The following ATF3 variants were observed in gnomAD, a reference collection of about 807,000 sequenced individuals.
ATF3 encodes the protein activating transcription factor 3.
In ATF3, 10 loss-of-function variants were observed where a neutral mutation model predicts 18.4. The ratio of observed to expected loss-of-function variants is 0.54; its 90% CI spans 0.34 to 0.92. The LOEUF (loss-of-function observed/expected upper bound fraction) is 0.92. Ranked by LOEUF, ATF3 falls within the 40% of genes least tolerant of loss-of-function variation. The pLI is 0.02. For missense variants in ATF3, 183 were observed against 222.3 expected (o/e 0.82, Z 1.12); for synonymous variants, 78 against 87.9 (o/e 0.89, Z 0.63).
At chr1:212,578,400 A>G (rs1664621202) in intron 1 of ATF3, among the ~76,000 whole-genome samples, 1 of 152,206 alleles carries the variant, frequency 6.6e-6, no homozygotes, top group African/African-American at 2.4e-5. Context: ...ATACGTATTT[A>G]TAGTGTACAA....
rs778435451 is a variant in ATF3, at chr1:212,619,133, G to A, written c.349-225G>A. The stretch of plus-strand genomic sequence containing the variant: ...TATCTGAACTGCAGCTTCAGTATTA[G>A]CAGAGCCACAGGCCGCCTCTGTGGC... On this transcript the variant is annotated intron_variant, in intron 3 of 3. Transcript: ENST00000341491. This position sits in a 1 kb window ranked among gnomAD's most constrained non-coding sequence, Gnocchi z 4.4. 7 of 1,614,020 alleles carry A rather than the reference G, an allele frequency of 4.3e-6. No homozygotes were observed. The highest frequency in any genetic ancestry group is 4.5e-5 in the East Asian group (2 of 44,882).
At position 212,618,681 on chromosome 1, in the gene ATF3, G is replaced by C. The variant is rs1286093444; in HGVS notation, c.348+447G>C. 2.3e-6 allele frequency: 1 copy of C among 427,656 alleles called. No homozygotes were observed. The highest frequency in any genetic ancestry group is 2.0e-5 in the African/African-American group (1 of 49,980). The allele number at this position is 427,656 out of a possible 1,614,324, so 26.5% of individuals were successfully genotyped here. On this transcript the variant is annotated intron_variant, in intron 3 of 3. Coordinates refer to ENST00000341491, the MANE Select transcript of ATF3 (RefSeq NM_001674.4). This position sits in a 1 kb window ranked among gnomAD's most constrained non-coding sequence, Gnocchi z 4.4. The stretch of plus-strand genomic sequence containing the variant: ...GTGGTTACACTTGCTTTGCATTCTT[G>C]TCTGGTTCCTAACTCTAGAGCCCTT...
At chr1:212,580,925 T>C (rs536908618) in intron 1 of ATF3, among the ~76,000 whole-genome samples, 1 of 152,098 alleles carries the variant, frequency 6.6e-6, no homozygotes, top group Non-Finnish European at 1.5e-5. Context: ...CCCCCCACCA[T>C]GCCCGGCTAA....
At chr1:212,568,059 C>T (rs1177880594) in intron 1 of ATF3, among the ~76,000 whole-genome samples, 3 of 152,168 alleles carry the variant, frequency 2.0e-5, no homozygotes, top group African/African-American at 7.2e-5. Context: ...CAGTTTCTAA[C>T]TTAGAGCCTG....
intron 2 of ATF3, among the ~76,000 whole-genome samples, chr1:212,616,476 T>A (rs1037593115): frequency 6.6e-6 from 1 of 152,206 alleles, no homozygotes; most frequent in Non-Finnish European, 1.5e-5. Context: ...TTGAATTTTT[T>A]TAGTAGAGAC....
chr1:212,577,699 A>T (rs1200654264), intron 1 of ATF3, among the ~76,000 whole-genome samples: 1 of 152,070 alleles, frequency 6.6e-6, no homozygotes, highest in Non-Finnish European at 1.5e-5. Context: ...TGCCTGGCAT[A>T]TGTCATGTAA....
At chr1:212,600,055 T>C (rs766435266) in intron 1 of ATF3, among the ~76,000 whole-genome samples, 2 of 152,178 alleles carry the variant, frequency 1.3e-5, no homozygotes, top group South Asian at 2.1e-4. Context: ...CATAAGAGCA[T>C]TGTGTTTTGT....
chr1:212,573,963 T>C (rs1664527848), intron 1 of ATF3, among the ~76,000 whole-genome samples: 1 of 151,678 alleles, frequency 6.6e-6, no homozygotes, highest in Non-Finnish European at 1.5e-5. Flanking sequence ...CTTCTTTAGT[T>C]TCTCTAATAT....
chr1:212,590,966 A>G (rs1178445737), intron 1 of ATF3, among the ~76,000 whole-genome samples: 1 of 152,244 alleles, frequency 6.6e-6, no homozygotes, highest in Non-Finnish European at 1.5e-5. Flanking sequence ...TTTGCAAAGA[A>G]CATGGCTCTT....
At chr1:212,582,783 A>C (rs1664708093) in intron 1 of ATF3, among the ~76,000 whole-genome samples, 1 of 152,122 alleles carries the variant, frequency 6.6e-6, no homozygotes, top group Admixed American at 6.5e-5. Flanking sequence ...AGGAGAAAGG[A>C]GGGGAAAGGC....
chr1:212,614,545 A>G (rs1359530121), intron 1 of ATF3, among the ~76,000 whole-genome samples: 1 of 149,296 alleles, frequency 6.7e-6, no homozygotes, highest in Non-Finnish European at 1.5e-5. Flanking sequence ...TTTGAAAAAG[A>G]GGCTTTTTTT....
chr1:212,601,164 C>T (rs534068175), intron 1 of ATF3, among the ~76,000 whole-genome samples: 4 of 152,242 alleles, frequency 2.6e-5, no homozygotes, highest in East Asian at 3.9e-4. Context: ...TCAAGTTCAT[C>T]GTATTTTGGG....
intron 1 of ATF3, among the ~76,000 whole-genome samples, chr1:212,599,452 C>A (rs1654414001): frequency 1.3e-5 from 2 of 152,104 alleles, no homozygotes; most frequent in Admixed American, 1.3e-4. Flanking sequence ...CAGCTGTGAA[C>A]CAGTGAGGTA....
chr1:212,579,142 G>A (rs1202072358), intron 1 of ATF3, among the ~76,000 whole-genome samples: 2 of 151,554 alleles, frequency 1.3e-5, no homozygotes, highest in East Asian at 3.9e-4. Flanking sequence ...CTCCCGAGTA[G>A]CTGGGATTAC....
intron 1 of ATF3, among the ~76,000 whole-genome samples, chr1:212,593,538 C>A (rs72756366): frequency 0.036 from 5,416 of 151,614 alleles, 119 homozygotes; most frequent in South Asian, 0.058. Context: ...CATTCAAGAC[C>A]AGCCTGGGCA....
intron 1 of ATF3, among the ~76,000 whole-genome samples, chr1:212,595,406 C>A (rs749335980): frequency 4.2e-4 from 64 of 152,194 alleles, no homozygotes; most frequent in Admixed American, 3.6e-3. Flanking sequence ...TCAAGTCCAG[C>A]TAGTGAGCTG....
intron 1 of ATF3, among the ~76,000 whole-genome samples, chr1:212,566,361 G>C (rs1285098202): frequency 6.6e-6 from 1 of 152,128 alleles, no homozygotes; most frequent in South Asian, 2.1e-4. Context: ...GCCATTTGCT[G>C]TGCGACCTTG....
At chr1:212,580,982 T>C (rs149351589) in intron 1 of ATF3, among the ~76,000 whole-genome samples, 8,436 of 152,254 alleles carry the variant, frequency 0.055, 437 homozygotes, top group African/African-American at 0.14. Flanking sequence ...TTGGGCAGGC[T>C]GGTCTCGGAC....
intron 1 of ATF3, among the ~76,000 whole-genome samples, chr1:212,591,665 T>C (rs1255812764): frequency 6.6e-6 from 1 of 152,182 alleles, no homozygotes; most frequent in Non-Finnish European, 1.5e-5. Flanking sequence ...TTTAAACTTT[T>C]TAATCATGGG....
Sources: gnomAD v4.1 joint callset for allele counts (sites outside exome capture counted in the v4.1 genomes callset) on GRCh38, gnomAD v4.1.1 for gene constraint, Gnocchi (gnomAD v3.1) non-coding constraint, MANE v1.5 for transcripts, NCBI Gene and HGNC (gene_info 2026-07-23, HGNC 2026-07-21) for gene names.